The following EIF2AK4 variants were observed in gnomAD, a reference collection of about 807,000 sequenced individuals.
EIF2AK4 encodes eIF-2-alpha kinase GCN2.
In EIF2AK4, 139 loss-of-function variants were observed where a neutral mutation model predicts 211.1. That is an observed-to-expected ratio of 0.66 (90% CI 0.57 to 0.76). EIF2AK4 has a LOEUF of 0.76. EIF2AK4 is among the 30% of genes least tolerant of loss of function. The probability of loss-of-function intolerance (pLI) is 0.00; values close to 1 mark genes in which losing one functional copy is unlikely to be tolerated. For missense variants in EIF2AK4, 1,664 were observed against 2,043.8 expected, an observed-to-expected ratio of 0.81 and a Z score of 3.58; for synonymous variants, 710 against 751.3, an observed-to-expected ratio of 0.94 and a Z score of 0.90.
rs780195972 is a variant in EIF2AK4, at chr15:40,030,452, C to G, written c.4655C>G (p.Thr1552Ser). 1 of 1,613,668 alleles carries G rather than the reference C, an allele frequency of 6.2e-7. No homozygotes were observed. Among genetic ancestry groups the G allele is most frequent in the Non-Finnish European group, 8.5e-7 (1 of 1,179,804 alleles). The change falls in exon 35 of 39, where the codon ACT (threonine) becomes AGT (serine). Residue 1552 changes from threonine (T) to serine (S), a missense_variant. Coordinates refer to ENST00000263791, the MANE Select transcript of EIF2AK4 (RefSeq NM_001013703.4). ...GCCAGCACTAGGAGGCGCTATGAAA[C>G]TCAGGTACACTGGGTCAGGGTTTCT... ...LSASTRRRYETQVQTRLQTSL... is the reference protein window; with the variant it reads ...LSASTRRRYESQVQTRLQTSL...
At chr15:39,953,464 C>T (rs1172844179) in intron 4 of EIF2AK4, among the ~76,000 whole-genome samples, 1 of 152,152 alleles carries the variant, frequency 6.6e-6, no homozygotes, top group Admixed American at 6.6e-5. Context: ...CCATGGCTAC[C>T]TCAGGTGCAG....
intron 16 of EIF2AK4, among the ~76,000 whole-genome samples, chr15:39,990,927 T>C (rs2140927730): frequency 6.6e-6 from 1 of 152,292 alleles, no homozygotes; most frequent in East Asian, 1.9e-4. Context: ...TAAGCAGACT[T>C]GGCTGTCGGA....
intron 27 of EIF2AK4, among the ~76,000 whole-genome samples, chr15:40,012,340 C>T (rs2035245827): frequency 6.6e-6 from 1 of 152,202 alleles, no homozygotes. Context: ...AAAGAAATCA[C>T]CCCTTTGCGG....
intron 29 of EIF2AK4, among the ~76,000 whole-genome samples, chr15:40,017,929 G>C (rs1215997994): frequency 6.6e-6 from 1 of 151,948 alleles, no homozygotes; most frequent in Non-Finnish European, 1.5e-5. Context: ...ATTTTATCAC[G>C]TGTACTTTCC....
chr15:39,968,882 A>G (rs1409258985), intron 9 of EIF2AK4, among the ~76,000 whole-genome samples: 2 of 124,724 alleles, frequency 1.6e-5, no homozygotes, highest in Non-Finnish European at 3.9e-5. Flanking sequence ...TGATATATAT[A>G]TATATATATA....
At chr15:39,994,175 AT>A (rs1446197193) in intron 18 of EIF2AK4, among the ~76,000 whole-genome samples, 1 of 152,248 alleles carries the variant, frequency 6.6e-6, no homozygotes, top group Non-Finnish European at 1.5e-5. Flanking sequence ...TTTCGAGTAG[AT>A]TGTTAGAGAC....
chr15:39,972,333 C>T (rs963476542), intron 9 of EIF2AK4, among the ~76,000 whole-genome samples: 17 of 145,422 alleles, frequency 1.2e-4, no homozygotes, highest in African/African-American at 4.3e-4. Flanking sequence ...CTGGGCGATA[C>T]GGCAAGACCC....
At chr15:39,938,609 A>C (rs140514308) in intron 1 of EIF2AK4, among the ~76,000 whole-genome samples, 1,739 of 152,322 alleles carry the variant, frequency 0.011, 31 homozygotes, top group African/African-American at 0.04. Flanking sequence ...ATCAAGGCTC[A>C]ATCCCAGCAA....
In EIF2AK4 at chr15:39,984,009, A is replaced by G. The variant is rs188549765; in HGVS notation, c.2320-1796A>G. Among the ~76,000 whole-genome samples the G allele has an allele frequency of 1.5e-4, 23 of 152,322 alleles. No individual in the cohort carries two copies. In the East Asian group the frequency reaches 4.2e-3, roughly 28 times the overall value. On this transcript the variant is annotated intron_variant, in intron 13 of 38. Coordinates refer to ENST00000263791, the MANE Select transcript of EIF2AK4 (RefSeq NM_001013703.4). ...GGTCTTACATTTAAGTCTTTAATCC[A>G]TCTTGAGTTAATTTTTGTATAAGGT...
intron 38 of EIF2AK4, 44 bp from the exon 39 acceptor site, chr15:40,034,983 C>T (rs1387257835): frequency 1.1e-5 from 16 of 1,490,304 alleles, no homozygotes; most frequent in Non-Finnish European, 1.5e-5. Flanking sequence ...GTTCTTCACT[C>T]ATTAAACTGA....
intron 4 of EIF2AK4, among the ~76,000 whole-genome samples, chr15:39,952,411 G>A: frequency 6.6e-6 from 1 of 151,706 alleles, no homozygotes; most frequent in East Asian, 1.9e-4. Flanking sequence ...GAGTAGCTGG[G>A]ACTATAGCCG....
At chr15:39,969,194 G>A (rs1436450140) in intron 9 of EIF2AK4, among the ~76,000 whole-genome samples, 1 of 151,970 alleles carries the variant, frequency 6.6e-6, no homozygotes, top group East Asian at 1.9e-4. Flanking sequence ...ATAGCATCAT[G>A]TGTTGTTAAA....
chr15:39,935,157 C>G (rs992348841), intron 1 of EIF2AK4, among the ~76,000 whole-genome samples: 2 of 152,184 alleles, frequency 1.3e-5, no homozygotes, highest in African/African-American at 4.8e-5. Context: ...TGCTCTAGCT[C>G]TAGACCTTTT....
intron 2 of EIF2AK4, among the ~76,000 whole-genome samples, chr15:39,940,774 G>A (rs1445982717): frequency 1.3e-5 from 2 of 151,962 alleles, no homozygotes; most frequent in African/African-American, 2.4e-5. Flanking sequence ...GACACTATCT[G>A]TAGTTAGCAA....
intron 30 of EIF2AK4, among the ~76,000 whole-genome samples, chr15:40,019,420 A>G (rs2035353510): frequency 6.6e-6 from 1 of 152,192 alleles, no homozygotes; most frequent in South Asian, 2.1e-4. Context: ...ACCTTAGACC[A>G]GGGGTCCCTA....
chr15:39,949,711 T>C (rs1253499468), intron 4 of EIF2AK4, among the ~76,000 whole-genome samples: 2 of 152,184 alleles, frequency 1.3e-5, no homozygotes, highest in East Asian at 3.8e-4. Context: ...ATAAGACAGT[T>C]AATATCTACG....
intron 27 of EIF2AK4, among the ~76,000 whole-genome samples, chr15:40,013,422 G>A (rs570533521): frequency 6.6e-6 from 1 of 152,202 alleles, no homozygotes; most frequent in South Asian, 2.1e-4. Context: ...TCCGAGAGTG[G>A]GTAATTTATA....
intron 26 of EIF2AK4, among the ~76,000 whole-genome samples, chr15:40,010,908 A>G (rs967736557): frequency 1.3e-5 from 2 of 152,206 alleles, no homozygotes; most frequent in Non-Finnish European, 2.9e-5. Flanking sequence ...GCTACGGCAC[A>G]TCTGCCAGCG....
At chr15:39,987,218 G>A (rs928422155) in intron 14 of EIF2AK4, among the ~76,000 whole-genome samples, 10 of 152,220 alleles carry the variant, frequency 6.6e-5, no homozygotes, top group Non-Finnish European at 1.2e-4. Context: ...CAAAGGAGGT[G>A]CATCCGACAT....
Sources: gnomAD v4.1 joint callset for allele counts (sites outside exome capture counted in the v4.1 genomes callset) on GRCh38, gnomAD v4.1.1 for gene constraint, MANE v1.5 for transcripts, NCBI Gene and HGNC (gene_info 2026-07-23, HGNC 2026-07-21) for gene names.